The following MCTP2 variants were observed in gnomAD, a reference collection of about 807,000 sequenced individuals.
MCTP2 encodes the protein multiple C2 and transmembrane domain containing 2.
Under a neutral mutation model 111.6 loss-of-function variants are expected in MCTP2, and 132 were observed. The observed-to-expected ratio is 1.18, with a 90% CI of 1.03 to 1.37. The LOEUF (loss-of-function observed/expected upper bound fraction) is 1.37. MCTP2 is among the 40% of genes most tolerant of loss of function. The probability of loss-of-function intolerance (pLI) is 0.00; values close to 1 mark genes in which losing one functional copy is unlikely to be tolerated. For missense variants in MCTP2, 1,183 were observed against 1,067.9 expected, an observed-to-expected ratio of 1.11 and a Z score of -1.50; for synonymous variants, 395 against 387.7, an observed-to-expected ratio of 1.02 and a Z score of -0.22.
chr15:94,409,078 C>T (rs2082032464), intron 17 of MCTP2, among the ~76,000 whole-genome samples: 1 of 152,162 alleles, frequency 6.6e-6, no homozygotes, highest in Admixed American at 6.5e-5. Flanking sequence ...CTGGGTGTGT[C>T]TGTGAGAGTG....
chr15:94,253,062 GCAA>G (rs1419117494), intron 1 of MCTP2, among the ~76,000 whole-genome samples: 1 of 152,050 alleles, frequency 6.6e-6, no homozygotes, highest in Non-Finnish European at 1.5e-5. Flanking sequence ...TGACTTTTCT[GCAA>G]CATTTGCAAT....
chr15:94,451,475 CTATG>C (rs879488752), intron 19 of MCTP2, among the ~76,000 whole-genome samples: 2 of 152,164 alleles, frequency 1.3e-5, no homozygotes, highest in Admixed American at 1.3e-4. Flanking sequence ...GAATCTAAAA[CTATG>C]TATTTAGCCA....
At chr15:94,282,873 G>A (rs1037145989) in intron 1 of MCTP2, among the ~76,000 whole-genome samples, 2 of 152,170 alleles carry the variant, frequency 1.3e-5, no homozygotes, top group African/African-American at 4.8e-5. Flanking sequence ...CAGGCCAGCA[G>A]CTTGGTTCTC....
At chr15:94,313,201 C>T (rs294557) in intron 2 of MCTP2, among the ~76,000 whole-genome samples, 1 of 151,894 alleles carries the variant, frequency 6.6e-6, no homozygotes, top group Non-Finnish European at 1.5e-5. Context: ...TTGCCCATGT[C>T]CCCCCTCCAC....
In MCTP2 at chr15:94,379,835, TA is replaced by T. The variant is rs10713688; in HGVS notation, c.1583-4185del. 7.7e-3 allele frequency among the ~76,000 whole-genome samples: 1,082 copies of T among 140,536 alleles called. 8 individuals carry two copies. The highest frequency in any genetic ancestry group is 0.026 in the African/African-American group (918 of 35,398). The allele number at this position is 140,536 out of a possible 152,430, so 92.2% of individuals were successfully genotyped here. Reference sequence around the variant, plus strand: ...ATATGACATAATTATATATGACATATAATTATATATGATATATATATAATAT... The same window carrying T: ...ATATGACATAATTATATATGACATATATTATATATGATATATATATAATAT... On this transcript the variant is annotated intron_variant, in intron 12 of 22. Coordinates refer to ENST00000357742, the MANE Select transcript of MCTP2 (RefSeq NM_001385001.1).
At chr15:94,405,568 A>G (rs1428060222) in intron 17 of MCTP2, among the ~76,000 whole-genome samples, 1 of 152,234 alleles carries the variant, frequency 6.6e-6, no homozygotes, top group African/African-American at 2.4e-5. Flanking sequence ...CATGCGATTT[A>G]TCACTGCTAC....
intron 17 of MCTP2, among the ~76,000 whole-genome samples, chr15:94,421,716 C>T (rs146396528): frequency 3.3e-5 from 5 of 152,134 alleles, no homozygotes; most frequent in South Asian, 2.1e-4. Context: ...TTTTAAGAAC[C>T]CTTGGGATTG....
At chr15:94,246,866 T>G (rs2072049845) in intron 1 of MCTP2, among the ~76,000 whole-genome samples, 1 of 152,224 alleles carries the variant, frequency 6.6e-6, no homozygotes, top group African/African-American at 2.4e-5. Flanking sequence ...GTTTTAATAT[T>G]GATAAGTGTT....
At chr15:94,239,404 A>G (rs1166310080) in intron 1 of MCTP2, among the ~76,000 whole-genome samples, 1 of 152,188 alleles carries the variant, frequency 6.6e-6, no homozygotes, top group East Asian at 1.9e-4. Context: ...TCACTGGGTC[A>G]ATTGGTGACA....
At chr15:94,472,982 T>C (rs988867475) in intron 21 of MCTP2, among the ~76,000 whole-genome samples, 1 of 152,240 alleles carries the variant, frequency 6.6e-6, no homozygotes, top group African/African-American at 2.4e-5. Flanking sequence ...ATCAGAAGAC[T>C]TTCTTATTCT....
intron 17 of MCTP2, among the ~76,000 whole-genome samples, chr15:94,404,491 G>A (rs190539665): frequency 3.0e-4 from 45 of 151,882 alleles, no homozygotes; most frequent in Middle Eastern, 6.8e-3. Context: ...TAGTAGAGAC[G>A]GGGTTTCGTC....
chr15:94,334,648 G>T (rs1312284130), intron 4 of MCTP2, among the ~76,000 whole-genome samples: 1 of 152,128 alleles, frequency 6.6e-6, no homozygotes, highest in Non-Finnish European at 1.5e-5. Context: ...CAATTCTCCT[G>T]CTTCAGCTTT....
In MCTP2 at chr15:94,412,773, A is replaced by G. The variant is rs576358165; in HGVS notation, c.2085+10754A>G. 3.9e-5 allele frequency among the ~76,000 whole-genome samples: 6 copies of G among 152,228 alleles called. No homozygotes were observed. The South Asian group carries it at 8.3e-4, about 21-fold the overall frequency. ...CAATTATAAACATTTTGTGTCCCAT[A>G]GCAAGAGCAGTTTTCCTTGGAAATC... On this transcript the variant is annotated intron_variant, in intron 17 of 22. Transcript: ENST00000357742.
chr15:94,346,131 C>T (rs924641303), intron 8 of MCTP2, among the ~76,000 whole-genome samples: 4 of 151,582 alleles, frequency 2.6e-5, no homozygotes, highest in African/African-American at 4.9e-5. Flanking sequence ...GATGAGAGAC[C>T]GAGAGAGCGA....
At chr15:94,394,866 A>G (rs904645429) in intron 14 of MCTP2, among the ~76,000 whole-genome samples, 3 of 152,182 alleles carry the variant, frequency 2.0e-5, no homozygotes, top group Non-Finnish European at 4.4e-5. Flanking sequence ...TTGCTTTTGT[A>G]GGAGCAGCTT....
intron 1 of MCTP2, among the ~76,000 whole-genome samples, chr15:94,245,621 T>C (rs2071905966): frequency 6.9e-6 from 1 of 145,520 alleles, no homozygotes; most frequent in African/African-American, 2.5e-5. Context: ...TATGTACATG[T>C]ATATATACAT....
intron 5 of MCTP2, among the ~76,000 whole-genome samples, chr15:94,339,877 G>A (rs944884528): frequency 2.0e-4 from 31 of 152,192 alleles, no homozygotes; most frequent in African/African-American, 6.5e-4. Flanking sequence ...TCTGCTCACT[G>A]TGGAAAATAC....
At chr15:94,427,393 T>G (rs1487894758) in intron 17 of MCTP2, among the ~76,000 whole-genome samples, 1 of 152,076 alleles carries the variant, frequency 6.6e-6, no homozygotes, top group Non-Finnish European at 1.5e-5. Context: ...TCTGCAGACT[T>G]AACAGGAAGC....
Position 94,245,443 on chromosome 15 carries a change from CAT to C in MCTP2, c.-66+13784_-66+13785del, listed in dbSNP as rs531464054. On this transcript the variant is annotated intron_variant, in intron 1 of 22. Transcript: ENST00000357742. Reference sequence around the variant, plus strand: ...ATGTGTGTATATATTTATATATACACATATATGTATATGTATTTATATACATA... The same window carrying C: ...ATGTGTGTATATATTTATATATACACATATGTATATGTATTTATATACATA... 4.9e-4 allele frequency among the ~76,000 whole-genome samples: 65 copies of C among 132,058 alleles called. 1 individual carries two copies. In the South Asian group the frequency reaches 8.8e-3, roughly 18 times the overall value. 86.6% of individuals were successfully genotyped at this position (132,058 alleles called of 152,430 possible). A position where few individuals can be genotyped will look rare whatever the true frequency, so the allele number is the denominator to read the frequency against.
Sources: allele counts gnomAD v4.1 joint callset (sites outside exome capture counted in the v4.1 genomes callset), GRCh38; gene constraint gnomAD v4.1.1; transcripts MANE v1.5; gene names NCBI Gene and HGNC (gene_info 2026-07-23, HGNC 2026-07-21).